Variants in PCNX2 observed in about 807,000 individuals in gnomAD.
PCNX2 encodes pecanex 2.
PCNX2 carries 168 observed loss-of-function variants against 223.8 expected under a neutral mutation model. The ratio of observed to expected loss-of-function variants is 0.75; its 90% CI spans 0.66 to 0.85. The LOEUF is 0.85. Ranked by LOEUF, PCNX2 falls within the 40% of genes least tolerant of loss-of-function variation. The pLI, the probability that PCNX2 is intolerant of heterozygous loss-of-function variation, is 0.00. For synonymous variants in PCNX2, 1,006 were observed against 1,052.6 expected (o/e 0.96, Z 0.86); for missense variants, 2,507 against 2,675.5 (o/e 0.94, Z 1.39).
chr1:233,212,431 A>G (rs942056321), intron 12 of PCNX2, among the ~76,000 whole-genome samples: 2 of 152,250 alleles, frequency 1.3e-5, no homozygotes, highest in Non-Finnish European at 2.9e-5. Flanking sequence ...GAAAAGAAAT[A>G]GGCAAATAAG....
At chr1:233,067,365 CAAAAAAAAAAAAAAAAAAAA>C (rs750823791) in intron 23 of PCNX2, among the ~76,000 whole-genome samples, 524 of 3,894 alleles carry the variant, frequency 0.13, 10 homozygotes, top group African/African-American at 0.3. Flanking sequence ...AGAGCTTCAG[CAAAAAAAAAAAAAAAAAAAA>C]AAAAAAAAAA....
intron 19 of PCNX2, among the ~76,000 whole-genome samples, chr1:233,149,468 G>T (rs1335501700): frequency 2.1e-5 from 3 of 144,040 alleles, no homozygotes; most frequent in African/African-American, 8.8e-5. Context: ...GTGGGGGTGA[G>T]GCTTGAATCA....
intron 21 of PCNX2, among the ~76,000 whole-genome samples, chr1:233,114,356 T>C (rs1244776347): frequency 1.3e-5 from 2 of 152,102 alleles, no homozygotes; most frequent in African/African-American, 4.8e-5. Flanking sequence ...TCTGGCATAG[T>C]GGAGGAACTG....
At chr1:233,037,160 T>G (rs912181569) in intron 25 of PCNX2, among the ~76,000 whole-genome samples, 2 of 151,930 alleles carry the variant, frequency 1.3e-5, no homozygotes. Context: ...GGAAACAGAG[T>G]GCTAATAGTA....
chr1:233,191,628 C>T (rs528601621), intron 15 of PCNX2, among the ~76,000 whole-genome samples: 63 of 151,174 alleles, frequency 4.2e-4, no homozygotes, highest in African/African-American at 1.6e-3. Flanking sequence ...ATAGATGGGT[C>T]TAGACTGAAA....
intron 15 of PCNX2, among the ~76,000 whole-genome samples, chr1:233,181,546 C>G (rs1679803590): frequency 1.3e-5 from 2 of 152,120 alleles, no homozygotes; most frequent in African/African-American, 2.4e-5. Flanking sequence ...CCCCTTGATC[C>G]AGTTGCCCTT....
chr1:233,295,714 T>A lies in PCNX2; in HGVS notation c.-236A>T, dbSNP rs1465355520. On this transcript the variant is annotated 5_prime_UTR_variant, in exon 1 of 34. The change abolishes an upstream ATG in the 5' untranslated region. Transcript: ENST00000258229. This position sits in a 1 kb window ranked among gnomAD's most constrained non-coding sequence, Gnocchi z 4.1. ...GCTGCGGCCGGGCAGGTGAGCGCCA[T>A]GTCCGAGGGAGGAAGGATTTTCCCA... The A allele has an allele frequency of 5.1e-6, 2 of 393,392 alleles. No individual in the cohort carries two copies. The highest frequency in any genetic ancestry group is 9.6e-5 in the South Asian group (1 of 10,420). 24.4% of individuals were successfully genotyped at this position (393,392 alleles called of 1,614,324 possible). A position where few individuals can be genotyped will look rare whatever the true frequency, so the allele number is the denominator to read the frequency against.
At chr1:233,073,292 C>G (rs1245605064) in intron 23 of PCNX2, among the ~76,000 whole-genome samples, 3 of 152,070 alleles carry the variant, frequency 2.0e-5, no homozygotes, top group Non-Finnish European at 4.4e-5. Flanking sequence ...CTTGGCCATT[C>G]TAGCTAAAGG....
intron 19 of PCNX2, among the ~76,000 whole-genome samples, chr1:233,147,277 T>C (rs1677513733): frequency 6.6e-6 from 1 of 152,220 alleles, no homozygotes; most frequent in Non-Finnish European, 1.5e-5. Context: ...CATAAACAGA[T>C]GATTAACACA....
chr1:233,017,314 CTT>C (rs57419971), intron 26 of PCNX2, among the ~76,000 whole-genome samples, 160 bp from the exon 27 acceptor site: 303 of 81,962 alleles, frequency 3.7e-3, no homozygotes, highest in South Asian at 5.0e-3. Context: ...CTAAAATGTC[CTT>C]TTTTTTTTTT....
At chr1:233,218,209 C>CA (rs34818026) in intron 10 of PCNX2, 25 bp from the exon 11 acceptor site, 39,902 of 269,620 alleles carry the variant, frequency 0.15, 9,399 homozygotes, top group African/African-American at 0.25. Flanking sequence ...TACATAAAAG[C>CA]AAAAAAAAAA....
intron 10 of PCNX2, among the ~76,000 whole-genome samples, chr1:233,218,636 T>C (rs762449568): frequency 6.6e-6 from 1 of 152,220 alleles, no homozygotes; most frequent in Non-Finnish European, 1.5e-5. Flanking sequence ...CAAGACTTTA[T>C]TCCCCTGTGA....
intron 23 of PCNX2, chr1:233,087,055 G>A (rs890677079): frequency 2.1e-5 from 21 of 985,312 alleles, no homozygotes; most frequent in Non-Finnish European, 2.4e-5. Flanking sequence ...TCAGGGAACA[G>A]GAGGTCTGCA....
At chr1:233,098,881 T>C (rs1018550776) in intron 21 of PCNX2, among the ~76,000 whole-genome samples, 1 of 152,224 alleles carries the variant, frequency 6.6e-6, no homozygotes, top group Non-Finnish European at 1.5e-5. Flanking sequence ...GAGGATAAAA[T>C]GGCTTCATCT....
rs12039661 is a variant in PCNX2 at position 232,983,997 on chromosome 1, C to T, written c.*307G>A. The T allele has an allele frequency of 0.24, 58,818 of 247,192 alleles. 7,419 individuals carry two copies. The highest frequency in any genetic ancestry group is 0.31 in the African/African-American group (13,991 of 44,682). 15.3% of individuals were successfully genotyped at this position (247,192 alleles called of 1,614,324 possible). A position where few individuals can be genotyped will look rare whatever the true frequency, so the allele number is the denominator to read the frequency against. On this transcript the variant is annotated 3_prime_UTR_variant, in exon 34 of 34. Transcript: ENST00000258229. ...TCTGGAACATGTGTGGTGCTGTCCG[C>T]GGTGTGCCGCTCTGGGCAGCGCTGT...
chr1:233,258,119 G>A lies in PCNX2; in HGVS notation c.1743C>T (p.Ser581=). 6.2e-7 allele frequency: 1 copy of A among 1,613,820 alleles called. No homozygotes were observed. ...PNESNFLEFV[S]LLESINTSKM... ...TGGAAGTATTAATGGATTCTAACAGGGAGACAAATTCCAGGAAGTTGGACT... is the reference window on the plus strand; with the variant it reads ...TGGAAGTATTAATGGATTCTAACAGAGAGACAAATTCCAGGAAGTTGGACT... Residue 581 remains serine (S), a synonymous_variant, in exon 5 of 34, where the codon TCC becomes TCT. Transcript: ENST00000258229.
rs1447318962 is a variant in PCNX2, at chr1:233,137,178, TTTGTACA to T, written c.3660-1995_3660-1989del. On this transcript the variant is annotated intron_variant, in intron 20 of 33. Transcript: ENST00000258229. ...CCAGGACCCCACTGTCGGTGTGGAG[TTTGTACA>T]TTGTCCTCATATCTGTGTGGGTTTT... Among the ~76,000 whole-genome samples the T allele has an allele frequency of 8.5e-5, 13 of 152,102 alleles. No individual in the cohort carries two copies. The South Asian group carries it at 1.4e-3, about 17-fold the overall frequency.
At chr1:233,319,670 A>G in the PCNX2 span, among the ~76,000 whole-genome samples, 2 of 152,334 alleles carry the variant, frequency 1.3e-5, no homozygotes, top group African/African-American at 4.8e-5. Context: ...CAAGTGCTTT[A>G]TCGGCAGAGT....
chr1:232,984,622 G>C, intron 33 of PCNX2, 145 bp from the exon 34 acceptor site: 1 of 861,956 alleles, frequency 1.2e-6, no homozygotes, highest in Non-Finnish European at 1.8e-6. Flanking sequence ...CAGGTCAAAT[G>C]ATAGAGGGCC....
Sources: gnomAD v4.1 joint callset for allele counts (sites outside exome capture counted in the v4.1 genomes callset) on GRCh38, gnomAD v4.1.1 for gene constraint, Gnocchi (gnomAD v3.1) non-coding constraint, MANE v1.5 for transcripts, NCBI Gene and HGNC (gene_info 2026-07-23, HGNC 2026-07-21) for gene names.